MYO9A: variants seen among roughly 807,000 people sequenced by gnomAD.
MYO9A encodes the protein unconventional myosin-IXa.
MYO9A carries 103 observed loss-of-function variants against 293.3 expected under a neutral mutation model. The observed-to-expected ratio is 0.35, with a 90% CI of 0.30 to 0.41. The LOEUF (loss-of-function observed/expected upper bound fraction) is 0.41, where lower values mean the gene tolerates loss of function less well. Ranked by LOEUF, MYO9A falls within the 10% of genes least tolerant of loss-of-function variation. The pLI is 1.00. For missense variants in MYO9A, 2,685 were observed against 3,033.0 expected, an observed-to-expected ratio of 0.89 and a Z score of 2.69; for synonymous variants, 1,001 against 1,035.7, an observed-to-expected ratio of 0.97 and a Z score of 0.64.
Position 71,826,940 on chromosome 15 carries a change from C to T in MYO9A, c.7287G>A (p.Val2429=), listed in dbSNP as rs949319255. The T allele has an allele frequency of 6.2e-7, 1 of 1,613,936 alleles. No individual in the cohort carries two copies. The highest frequency in any genetic ancestry group is 1.3e-5 in the African/African-American group (1 of 74,930). Residue 2429 remains valine (V), a synonymous_variant, in exon 42 of 42, where the codon GTG becomes GTA. Transcript: ENST00000356056. ...GACATAAAGAGGAGACCGAAGAGTC[C>T]ACGACATCTAAAGAGTCTTGCTGCT... The part of the protein sequence containing the change: ...LKKQQDSLDV[V]DSSVSSLCLS...
intron 39 of MYO9A, among the ~76,000 whole-genome samples, chr15:71,845,822 C>CAG (rs1163932529): frequency 6.6e-6 from 1 of 152,148 alleles, no homozygotes; most frequent in African/African-American, 2.4e-5. Flanking sequence ...CTGTCACATA[C>CAG]TAATGGTTAT....
intron 1 of MYO9A, among the ~76,000 whole-genome samples, chr15:72,104,856 G>A (rs1199171352): frequency 1.3e-5 from 2 of 152,174 alleles, no homozygotes; most frequent in Admixed American, 6.6e-5. Flanking sequence ...AAGAAGAAAG[G>A]TTAAAGTTAA....
intron 18 of MYO9A, among the ~76,000 whole-genome samples, chr15:71,920,571 C>T (rs996848533): frequency 6.6e-6 from 1 of 151,976 alleles, no homozygotes; most frequent in Admixed American, 6.5e-5. Context: ...TATAAATTAC[C>T]CAATCTAAAA....
intron 28 of MYO9A, among the ~76,000 whole-genome samples, chr15:71,882,322 CCT>C (rs1472898882): frequency 3.9e-5 from 6 of 152,132 alleles, no homozygotes; most frequent in Non-Finnish European, 8.8e-5. Flanking sequence ...CTCAGGCATA[CCT>C]GAGAAAAGGG....
At chr15:71,889,441 AACCTTTTTTTT>A in intron 26 of MYO9A, 1 of 145,668 alleles carries the variant, frequency 6.9e-6, no homozygotes, top group Admixed American at 6.9e-5. Flanking sequence ...GGGTCTAACA[AACCTTTTTTTT>A]TTTTTTTTTT....
intron 11 of MYO9A, among the ~76,000 whole-genome samples, chr15:71,979,997 C>T (rs1016026021): frequency 1.1e-4 from 17 of 152,050 alleles, no homozygotes; most frequent in African/African-American, 3.9e-4. Context: ...TATACAATAA[C>T]TTGTTCACCC....
intron 1 of MYO9A, among the ~76,000 whole-genome samples, chr15:72,105,777 G>C (rs543044252): frequency 6.6e-6 from 1 of 152,282 alleles, no homozygotes; most frequent in South Asian, 2.1e-4. Flanking sequence ...AAAGTGCTGG[G>C]ATTACAGGCA....
At chr15:72,062,934 A>T (rs1201573002) in intron 1 of MYO9A, among the ~76,000 whole-genome samples, 2 of 152,200 alleles carry the variant, frequency 1.3e-5, no homozygotes, top group African/African-American at 4.8e-5. Flanking sequence ...AGATGGGAGG[A>T]TCACTTGAAC....
chr15:72,103,629 AAGAAGAAACAGAAGAAGC>A (rs935254302), intron 1 of MYO9A, among the ~76,000 whole-genome samples: 6 of 44,282 alleles, frequency 1.4e-4, no homozygotes, highest in Admixed American at 3.4e-4. Flanking sequence ...GAAGAAGCAG[AAGAAGAAACAGAAGAAGC>A]AGAAGTAACA....
At chr15:71,863,213 C>T (rs1028721753) in intron 32 of MYO9A, among the ~76,000 whole-genome samples, 17 of 151,898 alleles carry the variant, frequency 1.1e-4, no homozygotes, top group African/African-American at 3.9e-4. Flanking sequence ...GGATTATCAG[C>T]GTGAACCACT....
In MYO9A at chr15:71,898,860, T is replaced by C; in HGVS notation, c.3643A>G (p.Ser1215Gly). The change falls in exon 25 of 42, where the codon AGT becomes GGT. Residue 1215 changes from serine to glycine, a missense_variant. This residue lies in a region of MYO9A where 1,434 missense variants were observed against 1,497.7 expected (regional missense o/e 0.96). Transcript: ENST00000356056. ...AIEECKSVIE[S>G]NRISRESSVD... ...GAACTTTCACGGCTAATTCGATTAC[T>C]CTCTATTACAGATTTACATTCCTCT... 1 of 1,614,136 alleles carries C rather than the reference T, an allele frequency of 6.2e-7. No individual in the cohort carries two copies. Among genetic ancestry groups the C allele is most frequent in the Non-Finnish European group, 8.5e-7 (1 of 1,180,014 alleles).
chr15:71,869,761 T>C (rs1191237877), intron 32 of MYO9A, among the ~76,000 whole-genome samples: 4 of 152,038 alleles, frequency 2.6e-5, no homozygotes, highest in Non-Finnish European at 4.4e-5. Context: ...AACAAGTTGG[T>C]AGAGAGTAAT....
intron 17 of MYO9A, among the ~76,000 whole-genome samples, chr15:71,934,842 G>C (rs2058590330): frequency 8.0e-6 from 1 of 124,358 alleles, no homozygotes; most frequent in Middle Eastern, 5.9e-3. Flanking sequence ...AAGCATGGTA[G>C]AGAATGGTTA....
At chr15:71,881,777 A>C (rs759178923) in intron 28 of MYO9A, among the ~76,000 whole-genome samples, 2 of 152,198 alleles carry the variant, frequency 1.3e-5, no homozygotes, top group Non-Finnish European at 2.9e-5. Context: ...TTATAATATG[A>C]ATTTTCAATT....
chr15:71,960,516 A>T (rs968345860), intron 13 of MYO9A: 2 of 163,452 alleles, frequency 1.2e-5, no homozygotes, highest in African/African-American at 2.4e-5. Flanking sequence ...GAGCCAATTA[A>T]ATCTCTTTTC....
At chr15:71,956,328 A>ATTATATATTTAT (rs1555490908) in intron 14 of MYO9A, among the ~76,000 whole-genome samples, 1 of 15,174 alleles carries the variant, frequency 6.6e-5, no homozygotes, top group African/African-American at 1.7e-4. Context: ...AAAAAAAAAA[A>ATTATATATTTAT]AAATATATAT....
chr15:72,008,436 G>GGTGTGTGTGTGTGTGTGTGTGTGTGTGT (rs57267628), intron 7 of MYO9A, among the ~76,000 whole-genome samples: 1 of 138,738 alleles, frequency 7.2e-6, no homozygotes, highest in Non-Finnish European at 1.6e-5. Flanking sequence ...GAGGTAAATG[G>GGTGTGTGTGTGTGTGTGTGTGTGTGTGT]GTGTGTGTGT....
In MYO9A at chr15:72,083,257, C is replaced by T. The variant is rs192424417; in HGVS notation, c.-72+34423G>A. Among the ~76,000 whole-genome samples, 18 of 152,154 alleles carry T rather than the reference C, an allele frequency of 1.2e-4. 1 individual carries two copies. Among genetic ancestry groups the T allele is most frequent in the Admixed American group, 1.0e-3 (16 of 15,270 alleles). On this transcript the variant is annotated intron_variant, in intron 1 of 41. Transcript: ENST00000356056. ...CCTGGTTGAGTCTTAGGAAGGTGTA[C>T]GTATCTAGGAATTTATACATTTCTT...
At chr15:71,965,303 C>T (rs1166128784) in intron 13 of MYO9A, among the ~76,000 whole-genome samples, 1 of 151,942 alleles carries the variant, frequency 6.6e-6, no homozygotes, top group Non-Finnish European at 1.5e-5. Context: ...TAGTTACTAA[C>T]AGAAATGTGT....
Sources: gnomAD v4.1 joint callset for allele counts (sites outside exome capture counted in the v4.1 genomes callset) on GRCh38, gnomAD v4.1.1 for gene constraint, gnomAD v4.1.1 regional missense constraint, MANE v1.5 for transcripts, NCBI Gene and HGNC (gene_info 2026-07-23, HGNC 2026-07-21) for gene names.